Variants in FSTL4 observed in about 807,000 individuals in gnomAD.
FSTL4 encodes follistatin-related protein 4.
A neutral mutation model predicts 78.2 loss-of-function variants in FSTL4; 28 were observed. That is an observed-to-expected ratio of 0.36 (90% CI 0.27 to 0.49). FSTL4 has a LOEUF of 0.49. FSTL4 is among the 20% of genes least tolerant of loss of function. The pLI is 0.98. For synonymous variants in FSTL4, 422 were observed against 440.5 expected (o/e 0.96, Z 0.53); for missense variants, 922 against 1,084.9 (o/e 0.85, Z 2.11).
intron 3 of FSTL4, among the ~76,000 whole-genome samples, chr5:133,494,189 A>T (rs1182471376): frequency 6.6e-6 from 1 of 152,204 alleles, no homozygotes; most frequent in Admixed American, 6.5e-5. Context: ...CGTGCTTAAT[A>T]ACATGTAAAC....
At chr5:133,201,666 G>A (rs1054377313) in intron 15 of FSTL4, among the ~76,000 whole-genome samples, 2 of 152,198 alleles carry the variant, frequency 1.3e-5, no homozygotes, top group Non-Finnish European at 2.9e-5. Context: ...TTTACCTTAA[G>A]GATGGGACTT....
chr5:133,825,111 G>T, the FSTL4 span, among the ~76,000 whole-genome samples: 1 of 152,048 alleles, frequency 6.6e-6, no homozygotes, highest in Non-Finnish European at 1.5e-5. Flanking sequence ...GGTCACTCAG[G>T]GACTCAGTGC....
chr5:133,446,156 C>T (rs1029790085), intron 3 of FSTL4, among the ~76,000 whole-genome samples: 2 of 152,108 alleles, frequency 1.3e-5, no homozygotes, highest in East Asian at 1.9e-4. Context: ...TGCAGGCTCT[C>T]GGGCCAGGCT....
At chr5:133,220,187 C>T (rs1178337750) in intron 12 of FSTL4, among the ~76,000 whole-genome samples, 3 of 152,222 alleles carry the variant, frequency 2.0e-5, no homozygotes, top group Non-Finnish European at 4.4e-5. Context: ...ATTGACATGA[C>T]CCTTTGGGAT....
intron 2 of FSTL4, among the ~76,000 whole-genome samples, chr5:133,568,172 G>A (rs1760069951): frequency 6.6e-6 from 1 of 152,114 alleles, no homozygotes; most frequent in Non-Finnish European, 1.5e-5. Context: ...GAACTAATGG[G>A]GGGAAAGACT....
At chr5:133,657,759 G>GTTTTT in the FSTL4 span, among the ~76,000 whole-genome samples, 7 of 111,812 alleles carry the variant, frequency 6.3e-5, no homozygotes, top group Non-Finnish European at 7.3e-5. Flanking sequence ...CTAGCTTACT[G>GTTTTT]TTTTTTGTTT....
At chr5:133,260,506 G>C (rs946741962) in intron 6 of FSTL4, among the ~76,000 whole-genome samples, 9 of 152,152 alleles carry the variant, frequency 5.9e-5, no homozygotes, top group Non-Finnish European at 1.2e-4. Context: ...TGTGCCAGCC[G>C]TCAGCTCTGC....
intron 3 of FSTL4, among the ~76,000 whole-genome samples, chr5:133,529,132 G>A (rs564624174): frequency 1.6e-4 from 25 of 152,294 alleles, no homozygotes; most frequent in Admixed American, 1.2e-3. Context: ...CTGAACACCT[G>A]CTCAGAATTG....
chr5:133,583,278 T>A (rs1210401715), intron 2 of FSTL4: 2 of 439,948 alleles, frequency 4.5e-6, no homozygotes, highest in Non-Finnish European at 9.1e-6. Context: ...CTCCTTAAGA[T>A]CAAGGCCCCA....
chr5:133,419,266 C>T (rs942652255), intron 3 of FSTL4, among the ~76,000 whole-genome samples: 14 of 152,102 alleles, frequency 9.2e-5, no homozygotes, highest in South Asian at 2.1e-4. Context: ...ACTACAGGCA[C>T]GTGCCACCAT....
intron 1 of FSTL4, among the ~76,000 whole-genome samples, chr5:133,608,521 T>C (rs1421284972): frequency 1.3e-5 from 2 of 152,266 alleles, no homozygotes; most frequent in Admixed American, 1.3e-4. Flanking sequence ...CCAGGCATCC[T>C]GCCCCCAGGG....
chr5:133,337,917 A>T (rs1474879640), intron 4 of FSTL4, among the ~76,000 whole-genome samples: 1 of 152,214 alleles, frequency 6.6e-6, no homozygotes, highest in African/African-American at 2.4e-5. Flanking sequence ...TGTTTGAAGA[A>T]ATGGAGATCA....
the FSTL4 span, among the ~76,000 whole-genome samples, chr5:133,769,822 C>A: frequency 3.5e-4 from 54 of 152,204 alleles, 2 homozygotes; most frequent in East Asian, 0.01. Flanking sequence ...ACATTGTACC[C>A]AATAGGAATT....
intron 3 of FSTL4, among the ~76,000 whole-genome samples, chr5:133,503,860 T>C (rs1758556756): frequency 6.6e-6 from 1 of 152,172 alleles, no homozygotes; most frequent in African/African-American, 2.4e-5. Flanking sequence ...ACTGGATAAA[T>C]TATAAAGGAA....
At chr5:133,730,103 T>C in the FSTL4 span, among the ~76,000 whole-genome samples, 4 of 152,184 alleles carry the variant, frequency 2.6e-5, no homozygotes, top group Non-Finnish European at 5.9e-5. Context: ...GAGACTGATG[T>C]GAGGTTAGCC....
Position 133,363,844 on chromosome 5 carries a change from C to T in FSTL4, c.409+36894G>A, listed in dbSNP as rs140436268. 2.2e-3 allele frequency among the ~76,000 whole-genome samples: 329 copies of T among 152,274 alleles called. 1 individual carries two copies. The highest frequency in any genetic ancestry group is 6.8e-3 in the Middle Eastern group (2 of 294). ...ACCCTGCCCACCCCTGTCTTTCCAT[C>T]AGCCTTAACAGCTTTGTGCAGGCCC... On this transcript the variant is annotated intron_variant, in intron 4 of 15. Coordinates refer to ENST00000265342, the MANE Select transcript of FSTL4 (RefSeq NM_015082.2).
At chr5:133,501,227 G>A (rs1039752048) in intron 3 of FSTL4, among the ~76,000 whole-genome samples, 7 of 151,540 alleles carry the variant, frequency 4.6e-5, no homozygotes, top group African/African-American at 1.2e-4. Context: ...AACCATGTGA[G>A]AGAAAATGCA....
At chr5:133,207,636 A>G (rs1750564853) in intron 14 of FSTL4, among the ~76,000 whole-genome samples, 1 of 152,068 alleles carries the variant, frequency 6.6e-6, no homozygotes, top group Non-Finnish European at 1.5e-5. Context: ...CCCTTTCTGC[A>G]TACTCCCTAC....
intron 2 of FSTL4, chr5:133,575,227 TAG>T (rs1035771448): frequency 6.6e-6 from 1 of 152,212 alleles, no homozygotes; most frequent in African/African-American, 2.4e-5. Context: ...ACATCAGGAC[TAG>T]ACTCAAACCT....
Sources: gnomAD v4.1 joint callset for allele counts (sites outside exome capture counted in the v4.1 genomes callset) on GRCh38, gnomAD v4.1.1 for gene constraint, MANE v1.5 for transcripts, NCBI Gene and HGNC (gene_info 2026-07-23, HGNC 2026-07-21) for gene names.